The following KIF1B variants were observed in gnomAD, a reference collection of about 807,000 sequenced individuals.
The protein encoded by KIF1B is kinesin-like protein KIF1B.
A neutral mutation model predicts 241.9 loss-of-function variants in KIF1B; 76 were observed. That is an observed-to-expected ratio of 0.31 (90% CI 0.26 to 0.38). The LOEUF (loss-of-function observed/expected upper bound fraction) is 0.38. Among genes scored for constraint, KIF1B ranks in the 10% least tolerant of loss-of-function variants. The pLI, the probability that KIF1B is intolerant of heterozygous loss-of-function variation, is 1.00. For synonymous variants in KIF1B, 750 were observed against 796.7 expected, an observed-to-expected ratio of 0.94 and a Z score of 0.99; for missense variants, 1,622 against 2,271.4, an observed-to-expected ratio of 0.71 and a Z score of 5.81.
Position 10,374,385 on chromosome 1 carries a change from T to G in KIF1B, c.5016T>G (p.Ala1672=), listed in dbSNP as rs769455348. 1 of 1,614,200 alleles carries G rather than the reference T, an allele frequency of 6.2e-7. No individual in the cohort carries two copies. Among genetic ancestry groups the G allele is most frequent in the South Asian group, 1.1e-5 (1 of 91,088 alleles). ...TTGAACAGTTTCAGATTGTCCCAGC[T>G]GTGGAAACACCATATTTGGCCCGAG... is the stretch of plus-strand genomic sequence containing the variant. ...PEFEQFQIVP[A]VETPYLARAG... is the part of the protein sequence containing the mutation. The change falls in exon 46 of 49, where the codon GCT becomes GCG. Residue 1672 remains alanine (A), a synonymous_variant. Coordinates refer to ENST00000676179, the MANE Select transcript of KIF1B (RefSeq NM_001365951.3). The surrounding 1 kb of genome is among the most constrained non-coding windows in gnomAD (Gnocchi z 4.3).
Position 10,258,720 on chromosome 1 carries a change from G to A in KIF1B, c.363+48G>A. The A allele has an allele frequency of 1.9e-6, 3 of 1,567,508 alleles. No homozygotes were observed. The African/African-American group carries it at 4.1e-5, about 21-fold the overall frequency. On this transcript the variant is annotated intron_variant, in intron 4 of 48. Transcript: ENST00000676179. The stretch of plus-strand genomic sequence containing the variant: ...AATCTTCTCTTCATTATTAGTGTTA[G>A]TCTTAAATTGCTTTAACAGTTATTT...
chr1:10,287,812 C>T (rs1457425926), intron 15 of KIF1B, among the ~76,000 whole-genome samples: 1 of 152,158 alleles, frequency 6.6e-6, no homozygotes, highest in African/African-American at 2.4e-5. Flanking sequence ...CTAGATAATC[C>T]TCTGCTCTGA....
chr1:10,321,597 G>A, intron 23 of KIF1B, 112 bp from the exon 24 acceptor site: 1 of 1,135,980 alleles, frequency 8.8e-7, no homozygotes, highest in Non-Finnish European at 1.3e-6. Context: ...GCAGCTGAAT[G>A]GAGAGAAACT....
chr1:10,380,493 G>T lies in KIF1B; in HGVS notation c.*3906G>T, dbSNP rs1275325737. 1.6e-5 allele frequency: 3 copies of T among 182,788 alleles called. No homozygotes were observed. The highest frequency in any genetic ancestry group is 2.1e-3 in the Middle Eastern group (1 of 474). 11.3% of individuals were successfully genotyped at this position (182,788 alleles called of 1,614,324 possible). ...GGCCAAGGCAGGTGGATCACCTGAG[G>T]TCAGAAGTTTGAGACCAGCCTGGCC... On this transcript the variant is annotated 3_prime_UTR_variant, in exon 49 of 49. Coordinates refer to ENST00000676179, the MANE Select transcript of KIF1B (RefSeq NM_001365951.3).
intron 2 of KIF1B, among the ~76,000 whole-genome samples, chr1:10,252,904 T>G (rs1647546768): frequency 6.6e-6 from 1 of 152,038 alleles, no homozygotes; most frequent in Non-Finnish European, 1.5e-5. Context: ...TTTATATTTT[T>G]AACAGAGATG....
intron 22 of KIF1B, among the ~76,000 whole-genome samples, chr1:10,300,753 GT>G (rs1330714471): frequency 6.6e-6 from 1 of 152,084 alleles, no homozygotes; most frequent in East Asian, 1.9e-4. Flanking sequence ...GTCAGACATA[GT>G]TTTTTCTCTA....
At chr1:10,270,768 C>A (rs991914856) in intron 7 of KIF1B, among the ~76,000 whole-genome samples, 1 of 151,028 alleles carries the variant, frequency 6.6e-6, no homozygotes, top group African/African-American at 2.4e-5. Context: ...ACTAAAAATA[C>A]AAAAAAAATT....
intron 8 of KIF1B, 118 bp downstream of exon 8, chr1:10,271,697 T>A: frequency 1.3e-6 from 1 of 764,666 alleles, no homozygotes; most frequent in Non-Finnish European, 2.3e-6. Flanking sequence ...TATGGCTGCT[T>A]TTGCACTACA....
In KIF1B at chr1:10,210,929, AG is replaced by A. The variant is rs1251417588; in HGVS notation, c.-80+56del. ...TGGCGCCGCGGTCGCGGGGTTGGGG[AG>A]GGGGCCGCTTCCGCGGGGAGGAGCG... On this transcript the variant is annotated intron_variant, in intron 1 of 48. Coordinates refer to ENST00000676179, the MANE Select transcript of KIF1B (RefSeq NM_001365951.3). The surrounding 1 kb of genome is among the most constrained non-coding windows in gnomAD (Gnocchi z 4.1). 6 of 151,178 alleles carry A rather than the reference AG, an allele frequency of 4.0e-5. No individual in the cohort carries two copies. The highest frequency in any genetic ancestry group is 1.2e-4 in the African/African-American group (5 of 41,294). The allele number at this position is 151,178 out of a possible 1,614,324, so 9.4% of individuals were successfully genotyped here. A position where few individuals can be genotyped will look rare whatever the true frequency, so the allele number is the denominator to read the frequency against.
chr1:10,290,806 T>C (rs1429773440), intron 15 of KIF1B, among the ~76,000 whole-genome samples: 2 of 151,628 alleles, frequency 1.3e-5, no homozygotes, highest in Non-Finnish European at 2.9e-5. Context: ...AGAGGTGAGG[T>C]TGCAGTGATC....
chr1:10,303,202 T>C lies in KIF1B; in HGVS notation c.2115+5956T>C. 1 of 1,613,864 alleles carries C rather than the reference T, an allele frequency of 6.2e-7. No individual in the cohort carries two copies. Among genetic ancestry groups the C allele is most frequent in the Non-Finnish European group, 8.5e-7 (1 of 1,179,932 alleles). ...TAGCGGGGACGATTCTGACAAGAGG[T>C]CGTGTGAAGAGAGCTGGAAACTGAT... On this transcript the variant is annotated intron_variant, in intron 22 of 48. Coordinates refer to ENST00000676179, the MANE Select transcript of KIF1B (RefSeq NM_001365951.3). This position sits in a 1 kb window ranked among gnomAD's most constrained non-coding sequence, Gnocchi z 5.2.
intron 43 of KIF1B, among the ~76,000 whole-genome samples, chr1:10,367,875 C>T (rs984419463): frequency 2.6e-5 from 4 of 151,822 alleles, no homozygotes; most frequent in Non-Finnish European, 4.4e-5. Context: ...ATTACAGGTG[C>T]CCACCATGAC....
intron 22 of KIF1B, among the ~76,000 whole-genome samples, chr1:10,314,344 G>A (rs55946030): frequency 6.6e-6 from 1 of 151,320 alleles, no homozygotes; most frequent in Non-Finnish European, 1.5e-5. Context: ...TTGGGGAGGG[G>A]GCCAATTCAA....
At chr1:10,244,007 TATA>T (rs1162089615) in intron 2 of KIF1B, among the ~76,000 whole-genome samples, 1 of 152,198 alleles carries the variant, frequency 6.6e-6, no homozygotes, top group Non-Finnish European at 1.5e-5. Flanking sequence ...ATAGAAGAGT[TATA>T]ATTTTTTTCC....
chr1:10,304,482 T>G, intron 22 of KIF1B: 1 of 1,611,256 alleles, frequency 6.2e-7, no homozygotes, highest in Non-Finnish European at 8.5e-7. Context: ...ACCGTCAGTC[T>G]TACTGTAATT....
chr1:10,289,851 G>A (rs897047644), intron 15 of KIF1B, among the ~76,000 whole-genome samples: 18 of 152,088 alleles, frequency 1.2e-4, no homozygotes, highest in African/African-American at 3.1e-4. Context: ...ACCACTGTAC[G>A]CTAGCCTGGA....
At chr1:10,211,140 A>G (rs1222462398) in intron 1 of KIF1B, among the ~76,000 whole-genome samples, 1 of 152,064 alleles carries the variant, frequency 6.6e-6, no homozygotes, top group Admixed American at 6.5e-5. Context: ...CCGCGCTGCC[A>G]GGCCCCGGCT....
chr1:10,217,859 C>T (rs1256595186), intron 1 of KIF1B, among the ~76,000 whole-genome samples: 5 of 151,904 alleles, frequency 3.3e-5, no homozygotes, highest in Admixed American at 3.3e-4. Flanking sequence ...ATTTTAATGT[C>T]CTCCCTCTCC....
chr1:10,292,093 G>A lies in KIF1B; in HGVS notation c.1561G>A (p.Gly521Arg), dbSNP rs141675590. The stretch of plus-strand genomic sequence containing the variant: ...GGGAGTTGCCATTCGGGAAGATGGA[G>A]GAACCCTAGGGGTTTTCTCACCTAA... ...EMGVAIREDG[G>R]TLGVFSPKKT... is the part of the protein sequence containing the mutation. Residue 521 changes from glycine (G) to arginine (R), a missense_variant, in exon 17 of 49, where the codon GGA becomes AGA. Physicochemically the swap from Gly to Arg is moderately radical, Grantham distance 125. This residue lies in a region of KIF1B where 57 missense variants were observed against 149.0 expected (regional missense o/e 0.38). Coordinates refer to ENST00000676179, the MANE Select transcript of KIF1B (RefSeq NM_001365951.3). 1 of 1,613,840 alleles carries A rather than the reference G, an allele frequency of 6.2e-7. No homozygotes were observed. Among genetic ancestry groups the A allele is most frequent in the Non-Finnish European group, 8.5e-7 (1 of 1,179,924 alleles).
Sources: allele counts gnomAD v4.1 joint callset (sites outside exome capture counted in the v4.1 genomes callset), GRCh38; gene constraint gnomAD v4.1.1; regional missense constraint gnomAD v4.1.1; non-coding constraint Gnocchi (gnomAD v3.1); transcripts MANE v1.5; gene names NCBI Gene and HGNC (gene_info 2026-07-23, HGNC 2026-07-21).